The following UBR4 variants were observed in gnomAD, a reference collection of about 807,000 sequenced individuals.
UBR4 encodes E3 ubiquitin-protein ligase UBR4.
In UBR4, 124 loss-of-function variants were observed where a neutral mutation model predicts 575.6. The observed-to-expected ratio is 0.22, with a 90% confidence interval of 0.19 to 0.25. The LOEUF (loss-of-function observed/expected upper bound fraction) is 0.25. Among genes scored for constraint, UBR4 ranks in the 10% least tolerant of loss-of-function variants. The pLI is 1.00. For missense variants in UBR4, 4,818 were observed against 6,478.8 expected, an observed-to-expected ratio of 0.74 and a Z score of 8.80; for synonymous variants, 2,455 against 2,473.7, an observed-to-expected ratio of 0.99 and a Z score of 0.22.
chr1:19,169,594 T>TA, intron 26 of UBR4, 62 bp from the exon 27 acceptor site: 1 of 1,447,740 alleles, frequency 6.9e-7, no homozygotes, highest in East Asian at 2.4e-5. Flanking sequence ...CAGAGCATTT[T>TA]AAAAGCCAAG....
chr1:19,096,402 C>A (rs2078054506), intron 92 of UBR4, 121 bp downstream of exon 92: 1 of 1,470,178 alleles, frequency 6.8e-7, no homozygotes. Context: ...CTGGCTCGCA[C>A]TGCTCCACGG....
At chr1:19,151,465 T>A (rs1192215217) in intron 48 of UBR4, 178 bp downstream of exon 48, 1 of 686,444 alleles carries the variant, frequency 1.5e-6, no homozygotes, top group Admixed American at 2.3e-5. Context: ...TCCGGTGTAC[T>A]CCTTTCCTGT....
Position 19,093,525 on chromosome 1 carries a change from G to A in UBR4, c.13938-39C>T. 6.2e-7 allele frequency: 1 copy of A among 1,601,756 alleles called. No homozygotes were observed. Among genetic ancestry groups the A allele is most frequent in the Non-Finnish European group, 8.5e-7 (1 of 1,171,784 alleles). The stretch of plus-strand genomic sequence containing the variant: ...GCAGAGTTTGAGGGTGTGAAAGGCG[G>A]GACAAAACCCAGTCATGTCACCCTC... On this transcript the variant is annotated intron_variant, in intron 95 of 105. Transcript: ENST00000375254. This position sits in a 1 kb window ranked among gnomAD's most constrained non-coding sequence, Gnocchi z 4.8.
chr1:19,186,437 A>G, intron 14 of UBR4, 103 bp downstream of exon 14: 1 of 1,024,128 alleles, frequency 9.8e-7, no homozygotes, highest in Non-Finnish European at 1.4e-6. Context: ...GTGAAAACAA[A>G]ATGGAAACTT....
chr1:19,179,715 C>A (rs1306034770), intron 17 of UBR4, among the ~76,000 whole-genome samples: 3 of 152,198 alleles, frequency 2.0e-5, no homozygotes, highest in Non-Finnish European at 4.4e-5. Flanking sequence ...CAGAACTCAA[C>A]AAGGCTGTTC....
rs990079786 is a variant in UBR4 at position 19,187,087 on chromosome 1, T to C, written c.1632+77A>G. ...ATTTCAAGAAAGTTTTATATATATATATATATATACATATATATATCATAT... is the reference window on the plus strand; with the variant it reads ...ATTTCAAGAAAGTTTTATATATATACATATATATACATATATATATCATAT... On this transcript the variant is annotated intron_variant, in intron 13 of 105. Coordinates refer to ENST00000375254, the MANE Select transcript of UBR4 (RefSeq NM_020765.3). The C allele has an allele frequency of 1.2e-4, 108 of 913,766 alleles. No homozygotes were observed. The African/African-American group carries it at 1.7e-3, about 15-fold the overall frequency. 56.6% of individuals were successfully genotyped at this position (913,766 alleles called of 1,614,324 possible). A position where few individuals can be genotyped will look rare whatever the true frequency, so the allele number is the denominator to read the frequency against.
chr1:19,074,992 C>T (rs559384829), intron 105 of UBR4, 96 bp from the exon 106 acceptor site: 15 of 1,333,092 alleles, frequency 1.1e-5, no homozygotes, highest in African/African-American at 5.7e-5. Flanking sequence ...GAACACACTG[C>T]GGTCCGACAA....
chr1:19,101,454 A>G (rs995877379), intron 88 of UBR4, 66 bp downstream of exon 88: 53 of 1,539,258 alleles, frequency 3.4e-5, no homozygotes, highest in Admixed American at 1.8e-5. Context: ...TGAATCACCA[A>G]GAGGCTTCAT....
Position 19,167,185 on chromosome 1 carries a change from G to T in UBR4, c.3946C>A (p.Pro1316Thr). The stretch of plus-strand genomic sequence containing the variant: ...TCAGTGCTTGATTCCAAAAGAAGAG[G>T]TAGCAGTGTCCGAATTACCTGTGGT... ...NPPQVIRTLL[P>T]LLLESSTESV... Residue 1316 changes from proline (P) to threonine (T), a missense_variant, in exon 29 of 106, where the codon CCT becomes ACT. This residue lies in a region of UBR4 where 1,172 missense variants were observed against 1,259.7 expected (regional missense o/e 0.93). Coordinates refer to ENST00000375254, the MANE Select transcript of UBR4 (RefSeq NM_020765.3). 1 of 1,614,194 alleles carries T rather than the reference G, an allele frequency of 6.2e-7. No individual in the cohort carries two copies. Among genetic ancestry groups the T allele is most frequent in the Non-Finnish European group, 8.5e-7 (1 of 1,180,038 alleles).
At chr1:19,160,388 C>G (rs2087138216) in intron 38 of UBR4, 107 bp from the exon 39 acceptor site, 1 of 1,082,172 alleles carries the variant, frequency 9.2e-7, no homozygotes, top group Middle Eastern at 2.3e-4. Context: ...AATCCAGCTA[C>G]TTCACTTCCA....
chr1:19,117,214 C>A lies in UBR4; in HGVS notation c.10823+7G>T, dbSNP rs1557651963. On this transcript the variant is annotated splice_region_variant and intron_variant, in intron 73 of 105. Coordinates refer to ENST00000375254, the MANE Select transcript of UBR4 (RefSeq NM_020765.3). The surrounding 1 kb of genome is among the most constrained non-coding windows in gnomAD (Gnocchi z 4.0). ...GCTGCCCCTCCCGAGGCCTAAAAAG[C>A]CCGTACTTGTTTTTCAACTCCACGA... 6.2e-7 allele frequency: 1 copy of A among 1,610,840 alleles called. No individual in the cohort carries two copies. Among genetic ancestry groups the A allele is most frequent in the Non-Finnish European group, 8.5e-7 (1 of 1,177,418 alleles).
intron 92 of UBR4, 52 bp from the exon 93 acceptor site, chr1:19,095,704 A>G: frequency 6.4e-7 from 1 of 1,555,900 alleles, no homozygotes; most frequent in African/African-American, 1.4e-5. Context: ...AGTGTAGGAC[A>G]TGGGGGCCAG....
chr1:19,142,103 C>T (rs554047965), intron 55 of UBR4, among the ~76,000 whole-genome samples: 20 of 152,368 alleles, frequency 1.3e-4, no homozygotes, highest in African/African-American at 4.6e-4. Flanking sequence ...CTCACGCTAA[C>T]TCTCAGGAGA....
Position 19,076,821 on chromosome 1 carries a change from C to T in UBR4, c.15406G>A (p.Glu5136Lys), listed in dbSNP as rs772799287. The T allele has an allele frequency of 1.9e-6, 3 of 1,613,602 alleles. No homozygotes were observed. The highest frequency in any genetic ancestry group is 1.7e-6 in the Non-Finnish European group (2 of 1,179,830). The change falls in exon 105 of 106, where the codon GAA (glutamate) becomes AAA (lysine). Residue 5136 changes from glutamate (E) to lysine (K), a missense_variant. Glu to Lys is a moderately conservative substitution (Grantham distance 56). Transcript: ENST00000375254. ...GTTTTCAGGGCTTTGTCGGCAGCTTCGTAGATGGGCATGTCGTTGTGGCGG... is the reference window on the plus strand; with the variant it reads ...GTTTTCAGGGCTTTGTCGGCAGCTTTGTAGATGGGCATGTCGTTGTGGCGG... ...YIRHNDMPIY[E>K]AADKALKTFQ... is the part of the protein sequence containing the mutation.
At chr1:19,163,037 G>T (rs2087654861) in intron 34 of UBR4, among the ~76,000 whole-genome samples, 1 of 152,182 alleles carries the variant, frequency 6.6e-6, no homozygotes, top group South Asian at 2.1e-4. Flanking sequence ...TAATGCAGGA[G>T]AGGAATACCT....
chr1:19,095,361 C>T (rs1189089477), intron 93 of UBR4, among the ~76,000 whole-genome samples, 184 bp downstream of exon 93: 10 of 152,094 alleles, frequency 6.6e-5, no homozygotes, highest in Non-Finnish European at 2.9e-5. Context: ...AGCATGGGGG[C>T]AGGAGGTGAG....
At chr1:19,149,653 G>T in intron 49 of UBR4, 10 of 989,304 alleles carry the variant, frequency 1.0e-5, no homozygotes, top group Non-Finnish European at 1.4e-5. Context: ...ACAGAAAGAA[G>T]CAGGAAGACT....
chr1:19,184,324 A>G, intron 15 of UBR4, 149 bp from the exon 16 acceptor site: 2 of 872,270 alleles, frequency 2.3e-6, no homozygotes, highest in East Asian at 5.4e-5. Context: ...AATCACTTAC[A>G]GTGGGCCTAA....
intron 69 of UBR4, among the ~76,000 whole-genome samples, chr1:19,119,927 A>T (rs772533074): frequency 6.6e-6 from 1 of 152,198 alleles, no homozygotes; most frequent in Non-Finnish European, 1.5e-5. Flanking sequence ...TTTAGCCTGA[A>T]GGGTCAAGCT....
Sources: gnomAD v4.1 joint callset for allele counts (sites outside exome capture counted in the v4.1 genomes callset) on GRCh38, gnomAD v4.1.1 for gene constraint, gnomAD v4.1.1 regional missense constraint, Gnocchi (gnomAD v3.1) non-coding constraint, MANE v1.5 for transcripts, NCBI Gene and HGNC (gene_info 2026-07-23, HGNC 2026-07-21) for gene names.